Variants in SETBP1 observed in about 807,000 individuals in gnomAD.
SETBP1 encodes the protein SET-binding protein.
In SETBP1, 9 loss-of-function variants were observed where a neutral mutation model predicts 101.0. That is an observed-to-expected ratio of 0.09 (90% CI 0.05 to 0.16). The LOEUF is 0.16. SETBP1 is among the 10% of genes least tolerant of loss of function. The pLI, the probability that SETBP1 is intolerant of heterozygous loss-of-function variation, is 1.00. For missense variants in SETBP1, 1,858 were observed against 2,033.8 expected (o/e 0.91, Z 1.66); for synonymous variants, 818 against 788.5 (o/e 1.04, Z -0.63).
chr18:44,952,917 G>A lies in SETBP1; in HGVS notation c.3577G>A (p.Ala1193Thr), dbSNP rs534963356. ...CATCCTGAGCGAGCGGCTGAGTAGC[G>A]CAGACAAAGAGCTCCCGCTGGTGAG... ...SHILSERLSS[A>T]DKELPLVSEK... The change falls in exon 4 of 6, where the codon GCA becomes ACA. Residue 1193 changes from alanine to threonine, a missense_variant. By Grantham distance (58) the Ala-to-Thr change is moderately conservative. This residue lies in a region of SETBP1 where 417 missense variants were observed against 389.1 expected (regional missense o/e 1.07). Coordinates refer to ENST00000649279, the MANE Select transcript of SETBP1 (RefSeq NM_015559.3). The A allele has an allele frequency of 6.3e-5, 102 of 1,614,186 alleles. No individual in the cohort carries two copies. The highest frequency in any genetic ancestry group is 4.9e-4 in the East Asian group (22 of 44,882).
At chr18:44,751,272 G>C (rs2070375179) in intron 2 of SETBP1, among the ~76,000 whole-genome samples, 1 of 152,184 alleles carries the variant, frequency 6.6e-6, no homozygotes, top group South Asian at 2.1e-4. Flanking sequence ...GCTAGTCTAG[G>C]AGAACAGTTC....
At chr18:44,996,198 T>C (rs533584907) in intron 4 of SETBP1, among the ~76,000 whole-genome samples, 8 of 152,340 alleles carry the variant, frequency 5.3e-5, no homozygotes, top group African/African-American at 1.7e-4. Context: ...CTGCAGAGAA[T>C]ACATGTTTCA....
At chr18:44,716,921 G>T (rs986891067) in intron 2 of SETBP1, among the ~76,000 whole-genome samples, 4 of 152,170 alleles carry the variant, frequency 2.6e-5, no homozygotes, top group Non-Finnish European at 5.9e-5. Flanking sequence ...GGCTGTGCAG[G>T]TTGCTTTCCT....
intron 2 of SETBP1, among the ~76,000 whole-genome samples, chr18:44,767,446 G>A (rs2070783342): frequency 6.6e-6 from 1 of 152,240 alleles, no homozygotes; most frequent in Non-Finnish European, 1.5e-5. Context: ...CACCACCTGT[G>A]ACTTGGGTCT....
At chr18:44,922,238 C>T (rs2070598817) in intron 3 of SETBP1, among the ~76,000 whole-genome samples, 1 of 152,188 alleles carries the variant, frequency 6.6e-6, no homozygotes, top group Non-Finnish European at 1.5e-5. Context: ...TTCTTTCTCA[C>T]TGTGTAAGCC....
At chr18:45,029,909 G>T (rs2073253626) in intron 4 of SETBP1, among the ~76,000 whole-genome samples, 1 of 151,426 alleles carries the variant, frequency 6.6e-6, no homozygotes, top group South Asian at 2.1e-4. Flanking sequence ...GGAGATTTTG[G>T]GCTGAGACAA....
chr18:44,977,399 G>A lies in SETBP1; in HGVS notation c.4000+24059G>A, dbSNP rs57362001. Among the ~76,000 whole-genome samples, 371 of 152,338 alleles carry A rather than the reference G, an allele frequency of 2.4e-3. 1 individual carries two copies. Among genetic ancestry groups the A allele is most frequent in the African/African-American group, 8.3e-3 (347 of 41,578 alleles). ...AATGTACAATCAAGAAGGAGCACCC[G>A]CCAGAAAAGCTGGATGTGGCTGGCA... is the stretch of plus-strand genomic sequence containing the variant. On this transcript the variant is annotated intron_variant, in intron 4 of 5. Transcript: ENST00000649279.
chr18:45,018,813 A>G (rs1324666137), intron 4 of SETBP1, among the ~76,000 whole-genome samples: 1 of 152,206 alleles, frequency 6.6e-6, no homozygotes, highest in Non-Finnish European at 1.5e-5. Context: ...TAAACTGATT[A>G]CGAGCAAAAT....
At chr18:44,829,202 G>A (rs1256885656) in intron 2 of SETBP1, among the ~76,000 whole-genome samples, 5 of 151,250 alleles carry the variant, frequency 3.3e-5, no homozygotes, top group Admixed American at 1.3e-4. Context: ...TTCTGAATCC[G>A]CAGATTAGAC....
intron 3 of SETBP1, among the ~76,000 whole-genome samples, chr18:44,890,262 C>T (rs781409182): frequency 7.9e-5 from 12 of 152,108 alleles, no homozygotes; most frequent in Non-Finnish European, 1.6e-4. Context: ...CCTCACCCCA[C>T]CCCCAAGGAT....
At chr18:44,971,494 A>G (rs1355393355) in intron 4 of SETBP1, among the ~76,000 whole-genome samples, 1 of 152,194 alleles carries the variant, frequency 6.6e-6, no homozygotes, top group African/African-American at 2.4e-5. Context: ...TCCCACCAAC[A>G]GTGTAAAAGT....
intron 2 of SETBP1, among the ~76,000 whole-genome samples, chr18:44,732,031 G>A (rs566052498): frequency 7.4e-4 from 112 of 152,292 alleles, no homozygotes; most frequent in African/African-American, 2.4e-3. Context: ...AGTGGCTGGT[G>A]TGTGTGAGGT....
At chr18:44,798,850 G>A (rs1311521964) in intron 2 of SETBP1, among the ~76,000 whole-genome samples, 1 of 152,142 alleles carries the variant, frequency 6.6e-6, no homozygotes, top group African/African-American at 2.4e-5. Flanking sequence ...CCTGAGACCT[G>A]AACAAACATT....
chr18:45,008,999 C>A (rs911725369), intron 4 of SETBP1, among the ~76,000 whole-genome samples: 1 of 152,110 alleles, frequency 6.6e-6, no homozygotes, highest in Non-Finnish European at 1.5e-5. Flanking sequence ...CACAGATGAA[C>A]GAACAGGAGA....
At chr18:44,914,470 G>A (rs2070382483) in intron 3 of SETBP1, among the ~76,000 whole-genome samples, 1 of 152,170 alleles carries the variant, frequency 6.6e-6, no homozygotes, top group South Asian at 2.1e-4. Flanking sequence ...CACTGGTCAG[G>A]ATCAAAGTCA....
intron 3 of SETBP1, among the ~76,000 whole-genome samples, chr18:44,888,427 T>C (rs922885254): frequency 6.6e-6 from 1 of 152,148 alleles, no homozygotes; most frequent in Non-Finnish European, 1.5e-5. Flanking sequence ...TCAAAGCTGA[T>C]GCTGTTCACT....
At chr18:44,961,874 T>C (rs2071619340) in intron 4 of SETBP1, among the ~76,000 whole-genome samples, 2 of 152,312 alleles carry the variant, frequency 1.3e-5, no homozygotes, top group African/African-American at 4.8e-5. Flanking sequence ...TTATCACAAG[T>C]TCGAATAAAT....
At position 44,952,278 on chromosome 18, in the gene SETBP1, A is replaced by G. The variant is rs1272191206; in HGVS notation, c.2938A>G (p.Asn980Asp). 1 of 1,614,086 alleles carries G rather than the reference A, an allele frequency of 6.2e-7. No individual in the cohort carries two copies. The highest frequency in any genetic ancestry group is 8.5e-7 in the Non-Finnish European group (1 of 1,180,008). The change falls in exon 4 of 6, where the codon AAT becomes GAT. Residue 980 changes from asparagine to aspartate, a missense_variant. Coordinates refer to ENST00000649279, the MANE Select transcript of SETBP1 (RefSeq NM_015559.3). ...CCGGAGTTACACCTTCTACCACGAGAATCCATATCCCAGCATTTTTCGGAT... is the reference window on the plus strand; with the variant it reads ...CCGGAGTTACACCTTCTACCACGAGGATCCATATCCCAGCATTTTTCGGAT... ...SHRSYTFYHENPYPSIFRINF... is the reference protein window; with the variant it reads ...SHRSYTFYHEDPYPSIFRINF...
intron 5 of SETBP1, among the ~76,000 whole-genome samples, chr18:45,056,363 T>C (rs1020193685): frequency 1.3e-5 from 2 of 152,166 alleles, no homozygotes; most frequent in Non-Finnish European, 2.9e-5. Flanking sequence ...ATCAACCCCT[T>C]GAATGCACAT....
Sources: gnomAD v4.1 joint callset for allele counts (sites outside exome capture counted in the v4.1 genomes callset) on GRCh38, gnomAD v4.1.1 for gene constraint, gnomAD v4.1.1 regional missense constraint, MANE v1.5 for transcripts, NCBI Gene and HGNC (gene_info 2026-07-23, HGNC 2026-07-21) for gene names.